The following BRD4 variants were observed in gnomAD, a reference collection of about 807,000 sequenced individuals.
BRD4 encodes the protein bromodomain containing 4, also known as bromodomain-containing protein 4.
Under a neutral mutation model 142.1 loss-of-function variants are expected in BRD4, and 16 were observed. The observed-to-expected ratio is 0.11, with a 90% CI of 0.08 to 0.17. The LOEUF is 0.17. Among genes scored for constraint, BRD4 ranks in the 10% least tolerant of loss-of-function variants. The pLI is 1.00. For missense variants in BRD4, 1,424 were observed against 1,810.9 expected, an observed-to-expected ratio of 0.79 and a Z score of 3.88; for synonymous variants, 833 against 707.5, an observed-to-expected ratio of 1.18 and a Z score of -2.82.
intron 1 of BRD4, among the ~76,000 whole-genome samples, chr19:15,303,080 G>T (rs2047885053): frequency 6.6e-6 from 1 of 150,944 alleles, no homozygotes; most frequent in African/African-American, 2.4e-5. Context: ...TCTGTGACTT[G>T]TGCTTTACAC....
At chr19:15,246,024 C>T (rs1036444543) in intron 11 of BRD4, among the ~76,000 whole-genome samples, 1 of 152,224 alleles carries the variant, frequency 6.6e-6, no homozygotes, top group African/African-American at 2.4e-5. Context: ...GAGCTCACCA[C>T]TCCACGCCAG....
chr19:15,331,226 T>C (rs901655871), intron 1 of BRD4, among the ~76,000 whole-genome samples: 8 of 152,182 alleles, frequency 5.3e-5, no homozygotes, highest in Admixed American at 5.2e-4. Context: ...ACATGACTCA[T>C]GCACCGGCCT....
In BRD4 at chr19:15,243,267, C is replaced by G. The variant is rs985647849; in HGVS notation, c.2802G>C (p.Gln934His). The G allele has an allele frequency of 1.4e-6, 2 of 1,465,216 alleles. No individual in the cohort carries two copies. The highest frequency in any genetic ancestry group is 2.9e-5 in the African/African-American group (2 of 67,804). The allele number at this position is 1,465,216 out of a possible 1,614,324, so 90.8% of individuals were successfully genotyped here. The change falls in exon 14 of 20, where the codon CAG becomes CAC. Residue 934 changes from glutamine to histidine, a missense_variant. By Grantham distance (24) the Gln-to-His change is conservative. Coordinates refer to ENST00000679869, the MANE Select transcript of BRD4 (RefSeq NM_001379291.1). ...GCGTAGGGGGCTGCACCTTCTGCAG[C>G]TGCTGCAGGTACAGCTGCATCTGCA... Reference protein sequence around the residue: ...TSMQMQLYLQQLQKVQPPTPL... With the variant: ...TSMQMQLYLQHLQKVQPPTPL...
At chr19:15,242,577 C>T (rs1237433790) in intron 14 of BRD4, among the ~76,000 whole-genome samples, 1 of 152,114 alleles carries the variant, frequency 6.6e-6, no homozygotes, top group African/African-American at 2.4e-5. Flanking sequence ...CATATCCTGA[C>T]CCCCTGAGGT....
At chr19:15,240,973 G>A (rs1428249522) in intron 14 of BRD4, among the ~76,000 whole-genome samples, 1 of 152,202 alleles carries the variant, frequency 6.6e-6, no homozygotes, top group East Asian at 1.9e-4. Flanking sequence ...CAGGAGCCCT[G>A]CTGGCTGGAG....
At chr19:15,327,929 GGT>G (rs2048123835) in intron 1 of BRD4, among the ~76,000 whole-genome samples, 1 of 93,452 alleles carries the variant, frequency 1.1e-5, no homozygotes, top group African/African-American at 4.2e-5. Flanking sequence ...GGGGGGGGGG[GGT>G]GGAAATGTCC....
intron 14 of BRD4, among the ~76,000 whole-genome samples, chr19:15,240,576 G>T (rs879504205): frequency 9.2e-5 from 14 of 152,188 alleles, no homozygotes; most frequent in Non-Finnish European, 1.6e-4. Flanking sequence ...GAGAAGCCTG[G>T]AATTGGCCTC....
intron 1 of BRD4, among the ~76,000 whole-genome samples, chr19:15,311,528 C>T (rs1211572166): frequency 6.6e-6 from 1 of 151,466 alleles, no homozygotes; most frequent in African/African-American, 2.4e-5. Context: ...CAGTGGCTCA[C>T]GCCTGTAATC....
Position 15,263,505 on chromosome 19 carries a change from C to G in BRD4, c.1256G>C (p.Gly419Ala). The G allele has an allele frequency of 1.2e-6, 2 of 1,614,204 alleles. No homozygotes were observed. Among genetic ancestry groups the G allele is most frequent in the African/African-American group, 1.3e-5 (1 of 75,060 alleles). ...AREYRDAQEFGADVRLMFSNC... is the reference protein window; with the variant it reads ...AREYRDAQEFAADVRLMFSNC... ...GGAGAACATCAATCGGACGTCAGCA[C>G]CAAACTCCTGAGCATCACGGTACTC... Residue 419 changes from glycine (G) to alanine (A), a missense_variant, in exon 7 of 20, where the codon GGT becomes GCT. This residue lies in a region of BRD4 where 22 missense variants were observed against 49.5 expected (regional missense o/e 0.44). Transcript: ENST00000679869.
chr19:15,314,101 AC>A (rs769862488), intron 1 of BRD4, among the ~76,000 whole-genome samples: 1 of 152,184 alleles, frequency 6.6e-6, no homozygotes, highest in Non-Finnish European at 1.5e-5. Flanking sequence ...ACCTTCTAGT[AC>A]CACAGCTCAG....
At chr19:15,273,238 G>A in intron 1 of BRD4, 105 bp from the exon 2 acceptor site, 1 of 1,198,212 alleles carries the variant, frequency 8.3e-7, no homozygotes, top group Non-Finnish European at 1.1e-6. Context: ...GAGTTCCCTG[G>A]CGGTAGCTAG....
intron 11 of BRD4, chr19:15,253,550 G>A: frequency 6.4e-7 from 1 of 1,553,356 alleles, no homozygotes; most frequent in Non-Finnish European, 8.6e-7. Context: ...GTGGAGTTAG[G>A]GCAGATTCAG....
Position 15,268,956 on chromosome 19 carries a change from T to C in BRD4, c.372A>G (p.Glu124=), listed in dbSNP as rs567990946. ...LENNYYWNAQ[E]CIQDFNTMFT... ...ACATAGTGTTGAAGTCCTGGATACATTCCTGAGCATTCCAGTAATAGTTGT... is the reference window on the plus strand; with the variant it reads ...ACATAGTGTTGAAGTCCTGGATACACTCCTGAGCATTCCAGTAATAGTTGT... The change falls in exon 3 of 20, where the codon GAA becomes GAG. Residue 124 remains glutamate (E), a synonymous_variant. Transcript: ENST00000679869. The C allele has an allele frequency of 1.2e-6, 2 of 1,614,250 alleles. No homozygotes were observed. Among genetic ancestry groups the C allele is most frequent in the Non-Finnish European group, 1.7e-6 (2 of 1,180,032 alleles).
intron 1 of BRD4, among the ~76,000 whole-genome samples, chr19:15,321,629 A>G (rs534876295): frequency 6.6e-6 from 1 of 152,310 alleles, no homozygotes; most frequent in South Asian, 2.1e-4. Context: ...CTTGAGCCTC[A>G]TGTTGCATCA....
chr19:15,251,723 C>A (rs1905682122), intron 11 of BRD4, among the ~76,000 whole-genome samples: 1 of 152,164 alleles, frequency 6.6e-6, no homozygotes. Flanking sequence ...ATTTCGGGAT[C>A]TGCCGTACGA....
At chr19:15,275,550 C>G (rs2047637294) in intron 1 of BRD4, 1 of 152,250 alleles carries the variant, frequency 6.6e-6, no homozygotes, top group African/African-American at 2.4e-5. Flanking sequence ...GGTCGTGACA[C>G]AGTGGCCATC....
chr19:15,275,116 C>T (rs956994037), intron 1 of BRD4, among the ~76,000 whole-genome samples: 2 of 152,202 alleles, frequency 1.3e-5, no homozygotes, highest in Non-Finnish European at 2.9e-5. Context: ...GCCTCGGCCT[C>T]CCAAATTGCT....
chr19:15,257,106 G>A lies in BRD4; in HGVS notation c.1409C>T (p.Ser470Phe). 2 of 1,609,114 alleles carry A rather than the reference G, an allele frequency of 1.2e-6. No individual in the cohort carries two copies. Among genetic ancestry groups the A allele is most frequent in the Non-Finnish European group, 1.7e-6 (2 of 1,179,514 alleles). The stretch of plus-strand genomic sequence containing the variant: ...CTTGGTGGGAGGGGGCACTGCCGGG[G>A]AGGACACGGCCACCACTGGCTCCTC... Reference protein sequence around the residue: ...EPEEPVVAVSSPAVPPPTKVV... With the variant: ...EPEEPVVAVSFPAVPPPTKVV... The change falls in exon 8 of 20, where the codon TCC (serine) becomes TTC (phenylalanine). Residue 470 changes from serine to phenylalanine, a missense_variant. This residue lies in a region of BRD4 where 90 missense variants were observed against 93.2 expected (regional missense o/e 0.97). Transcript: ENST00000679869.
At chr19:15,307,409 C>CA (rs752936549) in intron 1 of BRD4, among the ~76,000 whole-genome samples, 1 of 152,164 alleles carries the variant, frequency 6.6e-6, no homozygotes, top group Non-Finnish European at 1.5e-5. Flanking sequence ...AGATCACTGC[C>CA]AATGTCTCCA....
Sources: allele counts gnomAD v4.1 joint callset (sites outside exome capture counted in the v4.1 genomes callset), GRCh38; gene constraint gnomAD v4.1.1; regional missense constraint gnomAD v4.1.1; transcripts MANE v1.5; gene names NCBI Gene and HGNC (gene_info 2026-07-23, HGNC 2026-07-21).